Variants in CAPS2 observed in about 807,000 individuals in gnomAD.
CAPS2 encodes the protein calcyphosin-2.
In CAPS2, 98 loss-of-function variants were observed where a neutral mutation model predicts 86.5. The observed-to-expected ratio is 1.13, with a 90% CI of 0.96 to 1.34. CAPS2 has a LOEUF of 1.34. Ranked by LOEUF, CAPS2 falls within the 40% of genes most tolerant of loss-of-function variation. The pLI, the probability that CAPS2 is intolerant of heterozygous loss-of-function variation, is 0.00. For missense variants in CAPS2, 729 were observed against 686.8 expected (o/e 1.06, Z -0.69); for synonymous variants, 210 against 225.1 (o/e 0.93, Z 0.60).
chr12:75,376,283 C>G (rs760605207), intron 1 of CAPS2, among the ~76,000 whole-genome samples: 6 of 152,300 alleles, frequency 3.9e-5, no homozygotes, highest in Non-Finnish European at 7.4e-5. Context: ...CCCGATCCAA[C>G]TTTATGTTTC....
chr12:75,321,486 A>G (rs1424972203), exon 5 of CAPS2: 5 of 1,546,530 alleles, frequency 3.2e-6, no homozygotes, highest in Non-Finnish European at 4.4e-6. Flanking sequence ...TACTGCTTAT[A>G]GCCCTCTTTA....
intron 1 of CAPS2, among the ~76,000 whole-genome samples, chr12:75,372,021 T>C (rs1472707082): frequency 6.6e-6 from 1 of 152,084 alleles, no homozygotes; most frequent in Non-Finnish European, 1.5e-5. Flanking sequence ...GTTTGTTTGT[T>C]TGTTGTTTCT....
At chr12:75,292,585 A>G (rs1308406563) in intron 12 of CAPS2, among the ~76,000 whole-genome samples, 1 of 147,030 alleles carries the variant, frequency 6.8e-6, no homozygotes, top group Non-Finnish European at 1.5e-5. Flanking sequence ...TATATATAAA[A>G]TATATATTAT....
At chr12:75,346,636 G>A (rs2042467523) in intron 1 of CAPS2, among the ~76,000 whole-genome samples, 1 of 152,080 alleles carries the variant, frequency 6.6e-6, no homozygotes, top group Admixed American at 6.5e-5. Flanking sequence ...CAATCTGCCC[G>A]CCTCAGCCTC....
chr12:75,312,938 A>T, intron 6 of CAPS2, 23 bp from the exon 7 acceptor site: 1 of 1,468,370 alleles, frequency 6.8e-7, no homozygotes, highest in Non-Finnish European at 9.5e-7. Flanking sequence ...AATAAAGACA[A>T]CTTCACCATC....
chr12:75,340,014 T>C (rs2041994676), intron 1 of CAPS2, among the ~76,000 whole-genome samples: 1 of 152,108 alleles, frequency 6.6e-6, no homozygotes, highest in African/African-American at 2.4e-5. Flanking sequence ...TCATTTTCCA[T>C]TCCTGAGTTA....
chr12:75,278,580 T>C, exon 17 of CAPS2: 1 of 1,027,908 alleles, frequency 9.7e-7, no homozygotes, highest in Non-Finnish European at 1.2e-6. Flanking sequence ...CTACTGAAGT[T>C]AATAAAAAAT....
Position 75,321,335 on chromosome 12 carries a change from G to C in CAPS2, c.468+65C>G, listed in dbSNP as rs1304838933. 1.3e-5 allele frequency: 13 copies of C among 1,021,714 alleles called. No individual in the cohort carries two copies. In the Admixed American group the frequency reaches 3.7e-4, roughly 29 times the overall value. 63.3% of individuals were successfully genotyped at this position (1,021,714 alleles called of 1,614,324 possible). A position where few individuals can be genotyped will look rare whatever the true frequency, so the allele number is the denominator to read the frequency against. Reference sequence around the variant, plus strand: ...TAGCAAGATATGTCACACAAAAAGAGATTTCTGTAATATGTGCAGTTTTCT... The same window carrying C: ...TAGCAAGATATGTCACACAAAAAGACATTTCTGTAATATGTGCAGTTTTCT... On this transcript the variant is annotated intron_variant, in intron 5 of 16. Transcript: ENST00000393284.
At chr12:75,279,142 A>T in intron 16 of CAPS2, 77 bp from the exon 17 acceptor site, 9 of 1,211,798 alleles carry the variant, frequency 7.4e-6, no homozygotes, top group Non-Finnish European at 8.0e-6. Context: ...AGGAATACTT[A>T]ATCATCTTAT....
Position 75,345,592 on chromosome 12 carries a change from A to G in CAPS2, c.-394-22370T>C, listed in dbSNP as rs1272359337. The stretch of plus-strand genomic sequence containing the variant: ...CAACTTCCATGTTCCCTTTATGTTC[A>G]CTCTTCGTTCAACAACAGGTTGTTC... On this transcript the variant is annotated intron_variant, in intron 1 of 5. Transcript: ENST00000551829. 2.0e-5 allele frequency among the ~76,000 whole-genome samples: 3 copies of G among 152,096 alleles called. No homozygotes were observed. The East Asian group carries it at 5.8e-4, about 29-fold the overall frequency.
At position 75,321,615 on chromosome 12, in the gene CAPS2, A is replaced by G. The variant is rs1163335690; in HGVS notation, c.292-39T>C. 2.1e-6 allele frequency: 3 copies of G among 1,436,136 alleles called. No homozygotes were observed. The African/African-American group carries it at 4.3e-5, about 21-fold the overall frequency. The allele number at this position is 1,436,136 out of a possible 1,614,324, so 89.0% of individuals were successfully genotyped here. On this transcript the variant is annotated intron_variant, in intron 4 of 16. Transcript: ENST00000393284. ...GAAAAAAGCATGCTATCAGAAAAAA[A>G]AAGTATTAATTTTCCTTATTGGCAT...
At chr12:75,343,133 T>C (rs992549110) in intron 1 of CAPS2, among the ~76,000 whole-genome samples, 2 of 152,044 alleles carry the variant, frequency 1.3e-5, no homozygotes, top group South Asian at 4.1e-4. Context: ...TTACAACTCA[T>C]GTATTTTATT....
chr12:75,349,960 G>A (rs752653650), intron 1 of CAPS2, among the ~76,000 whole-genome samples: 8 of 152,222 alleles, frequency 5.3e-5, no homozygotes, highest in Non-Finnish European at 1.0e-4. Context: ...TGGCCAGCGG[G>A]GCAGGCTGGA....
chr12:75,386,829 T>C (rs2045317811), intron 1 of CAPS2, among the ~76,000 whole-genome samples: 1 of 151,896 alleles, frequency 6.6e-6, no homozygotes, highest in East Asian at 1.9e-4. Context: ...TTTCAACAAA[T>C]GGTTCTGGAA....
intron 5 of CAPS2, among the ~76,000 whole-genome samples, chr12:75,316,882 G>C (rs1426991125): frequency 6.6e-6 from 1 of 152,122 alleles, no homozygotes; most frequent in Non-Finnish European, 1.5e-5. Flanking sequence ...TGTAACCTTT[G>C]AGGTAAAAGA....
At chr12:75,305,349 A>C (rs1164751659) in intron 7 of CAPS2, 1 of 323,580 alleles carries the variant, frequency 3.1e-6, no homozygotes, top group East Asian at 7.2e-5. Context: ...TGATTCTTAA[A>C]AGGTGAGAGT....
intron 7 of CAPS2, among the ~76,000 whole-genome samples, chr12:75,307,522 A>G (rs568181822): frequency 6.6e-6 from 1 of 152,330 alleles, no homozygotes; most frequent in Non-Finnish European, 1.5e-5. Context: ...ACAATAATAT[A>G]TAGTACATTT....
At chr12:75,387,289 T>C (rs2045341577) in intron 1 of CAPS2, among the ~76,000 whole-genome samples, 1 of 152,104 alleles carries the variant, frequency 6.6e-6, no homozygotes, top group South Asian at 2.1e-4. Context: ...CATACAGTAC[T>C]CAAATAAGCA....
At chr12:75,306,807 G>A (rs140867565) in intron 7 of CAPS2, among the ~76,000 whole-genome samples, 12 of 152,140 alleles carry the variant, frequency 7.9e-5, no homozygotes, top group Middle Eastern at 3.4e-3. Flanking sequence ...AAACATCCTC[G>A]CAGAGTGAAC....
Sources: allele counts gnomAD v4.1 joint callset (sites outside exome capture counted in the v4.1 genomes callset), GRCh38; gene constraint gnomAD v4.1.1; transcripts MANE v1.5; gene names NCBI Gene and HGNC (gene_info 2026-07-23, HGNC 2026-07-21).